UMAD1: variants seen among roughly 807,000 people sequenced by gnomAD.
The protein encoded by UMAD1 is UBAP1-MVB12-associated (UMA)-domain containing protein 1.
UMAD1 carries 8 observed loss-of-function variants against 6.1 expected under a neutral mutation model. The ratio of observed to expected loss-of-function variants is 1.30; its 90% CI spans 0.76 to 2.35. UMAD1 has a LOEUF of 2.35. Among genes scored for constraint, UMAD1 ranks in the 30% most tolerant of loss-of-function variants. The pLI is 0.00. For synonymous variants in UMAD1, 56 were observed against 31.4 expected (o/e 1.78, Z -2.61); for missense variants, 130 against 78.4 (o/e 1.66, Z -2.49).
At chr7:7,802,369 T>TC (rs1191463285) in intron 3 of UMAD1, among the ~76,000 whole-genome samples, 23 of 114,440 alleles carry the variant, frequency 2.0e-4, no homozygotes, top group African/African-American at 1.0e-3. Context: ...AGAGCGAGAC[T>TC]CCGTCTCAAA....
intron 3 of UMAD1, among the ~76,000 whole-genome samples, chr7:7,821,526 A>T (rs1215491019): frequency 1.3e-5 from 2 of 152,172 alleles, no homozygotes; most frequent in Non-Finnish European, 2.9e-5. Context: ...AAAATTCTTA[A>T]TATGTACAGT....
intron 3 of UMAD1, among the ~76,000 whole-genome samples, chr7:7,845,363 A>G (rs1783764323): frequency 6.6e-6 from 1 of 152,074 alleles, no homozygotes; most frequent in African/African-American, 2.4e-5. Flanking sequence ...AGGGATCAAG[A>G]TCTTCTCTTC....
chr7:7,807,024 G>T (rs1782929443), intron 3 of UMAD1, among the ~76,000 whole-genome samples: 1 of 152,126 alleles, frequency 6.6e-6, no homozygotes, highest in African/African-American at 2.4e-5. Flanking sequence ...TTAGTTTCAA[G>T]GGATTGTGTT....
At chr7:7,797,869 G>A (rs1360047295) in intron 2 of UMAD1, among the ~76,000 whole-genome samples, 1 of 151,770 alleles carries the variant, frequency 6.6e-6, no homozygotes, top group African/African-American at 2.4e-5. Context: ...TTGTATTTTT[G>A]TTAGAGATGG....
At chr7:7,847,502 C>T (rs977364453) in intron 3 of UMAD1, among the ~76,000 whole-genome samples, 2 of 151,906 alleles carry the variant, frequency 1.3e-5, no homozygotes, top group African/African-American at 2.4e-5. Context: ...GAAACCTCCC[C>T]TCCCCAGTGA....
intron 2 of UMAD1, among the ~76,000 whole-genome samples, chr7:7,710,336 A>C (rs767777558): frequency 2.6e-4 from 40 of 152,192 alleles, no homozygotes; most frequent in Non-Finnish European, 4.3e-4. Flanking sequence ...TCCCTAGAAT[A>C]AGTACTTGCA....
intron 2 of UMAD1, among the ~76,000 whole-genome samples, chr7:7,727,634 C>T (rs960558613): frequency 6.6e-6 from 1 of 152,144 alleles, no homozygotes; most frequent in African/African-American, 2.4e-5. Context: ...CACCCTTAAT[C>T]TGGGTGAACA....
chr7:7,750,031 A>C, intron 2 of UMAD1, among the ~76,000 whole-genome samples: 1 of 152,162 alleles, frequency 6.6e-6, no homozygotes, highest in South Asian at 2.1e-4. Flanking sequence ...TCTTAATTAT[A>C]CTGCTAGAAT....
intron 1 of UMAD1, among the ~76,000 whole-genome samples, chr7:7,646,823 G>A (rs1785106547): frequency 6.6e-6 from 1 of 152,058 alleles, no homozygotes; most frequent in Non-Finnish European, 1.5e-5. Context: ...CCATTCTGCT[G>A]CTCTGCCACT....
intron 3 of UMAD1, among the ~76,000 whole-genome samples, chr7:7,811,205 G>A (rs1019852806): frequency 2.6e-5 from 4 of 151,798 alleles, no homozygotes; most frequent in African/African-American, 9.7e-5. Flanking sequence ...ATGATAATTA[G>A]CTGATGAGAA....
intron 2 of UMAD1, among the ~76,000 whole-genome samples, chr7:7,688,900 G>A (rs1436820623): frequency 6.6e-6 from 1 of 151,968 alleles, no homozygotes; most frequent in African/African-American, 2.4e-5. Flanking sequence ...TTCTATTAAG[G>A]TATTTTCTCC....
intron 1 of UMAD1, among the ~76,000 whole-genome samples, chr7:7,646,899 C>G (rs1785109408): frequency 6.6e-6 from 1 of 152,098 alleles, no homozygotes; most frequent in African/African-American, 2.4e-5. Context: ...CATATTGGGC[C>G]AAAAGGCAAC....
At chr7:7,733,564 T>C (rs1316588627) in intron 2 of UMAD1, among the ~76,000 whole-genome samples, 1 of 148,090 alleles carries the variant, frequency 6.8e-6, no homozygotes, top group Non-Finnish European at 1.5e-5. Context: ...ACATTAGCAA[T>C]ATATGGTAGT....
intron 3 of UMAD1, among the ~76,000 whole-genome samples, chr7:7,822,777 C>G (rs1005279493): frequency 1.1e-4 from 17 of 152,124 alleles, no homozygotes; most frequent in Non-Finnish European, 1.6e-4. Flanking sequence ...TTCTCTTTTT[C>G]TAGCAATCAA....
At chr7:7,683,598 C>G (rs972156851) in intron 2 of UMAD1, among the ~76,000 whole-genome samples, 1 of 151,878 alleles carries the variant, frequency 6.6e-6, no homozygotes, top group African/African-American at 2.4e-5. Context: ...CATACATGAT[C>G]CTATGAAATG....
chr7:7,848,767 T>C (rs1009635287), intron 3 of UMAD1, among the ~76,000 whole-genome samples: 1 of 152,096 alleles, frequency 6.6e-6, no homozygotes, highest in African/African-American at 2.4e-5. Context: ...TCAAGTCTGC[T>C]TTTAGGATTA....
At chr7:7,742,348 C>T (rs1280270261) in intron 2 of UMAD1, 14 of 606,402 alleles carry the variant, frequency 2.3e-5, no homozygotes, top group South Asian at 8.2e-5. Flanking sequence ...GCTTGTTTCT[C>T]CTGGGGGCGC....
At chr7:7,772,454 G>A (rs1782120221) in intron 2 of UMAD1, 1 of 152,092 alleles carries the variant, frequency 6.6e-6, no homozygotes, top group Admixed American at 6.5e-5. Flanking sequence ...TGGTACATCT[G>A]GTAAGTTAAT....
At chr7:7,720,404 G>T (rs1781020145) in intron 2 of UMAD1, among the ~76,000 whole-genome samples, 1 of 152,092 alleles carries the variant, frequency 6.6e-6, no homozygotes. Flanking sequence ...GGTTTGGAGT[G>T]TGTCCCAGGC....
Sources: allele counts gnomAD v4.1 joint callset (sites outside exome capture counted in the v4.1 genomes callset), GRCh38; gene constraint gnomAD v4.1.1; transcripts MANE v1.5; gene names NCBI Gene and HGNC (gene_info 2026-07-23, HGNC 2026-07-21).